The following MILR1 variants were observed in gnomAD, a reference collection of about 807,000 sequenced individuals.
The protein encoded by MILR1 is allergin-1.
MILR1 carries 31 observed loss-of-function variants against 18.5 expected under a neutral mutation model. The ratio of observed to expected loss-of-function variants is 1.68; its 90% CI spans 1.26 to 2.26. MILR1 has a LOEUF of 2.26. MILR1 is among the 30% of genes most tolerant of loss of function. The probability of loss-of-function intolerance (pLI) is 0.00; values close to 1 mark genes in which losing one functional copy is unlikely to be tolerated. For synonymous variants in MILR1, 85 were observed against 56.2 expected, an observed-to-expected ratio of 1.51 and a Z score of -2.30; for missense variants, 257 against 157.4, an observed-to-expected ratio of 1.63 and a Z score of -3.38.
chr17:64,466,404 G>T (rs782546464), intron 6 of MILR1, 38 bp from the exon 7 acceptor site: 2 of 1,592,314 alleles, frequency 1.3e-6, no homozygotes, highest in Admixed American at 3.5e-5. Flanking sequence ...TAACACAAAC[G>T]CCACCAACCC....
At chr17:64,484,261 A>G in the MILR1 span, 3 of 152,380 alleles carry the variant, frequency 2.0e-5, no homozygotes, top group South Asian at 2.1e-4. Context: ...TTCTCTCCCT[A>G]TGGTGACACT....
the MILR1 span, among the ~76,000 whole-genome samples, chr17:64,496,064 T>C: frequency 0.28 from 42,422 of 152,238 alleles, 11,426 homozygotes; most frequent in African/African-American, 0.7. Context: ...TTCAACATTT[T>C]TACTTAGAAT....
chr17:64,461,877 T>C (rs1357347969), intron 5 of MILR1, among the ~76,000 whole-genome samples: 4 of 152,202 alleles, frequency 2.6e-5, no homozygotes, highest in Non-Finnish European at 4.4e-5. Flanking sequence ...CTTTCATAAC[T>C]GGCTTATTTC....
the MILR1 span, chr17:64,496,976 C>T: frequency 1.9e-6 from 3 of 1,602,576 alleles, no homozygotes; most frequent in Non-Finnish European, 2.5e-6. Context: ...CATCTCTCTC[C>T]GAAGTTAAAG....
chr17:64,497,177 TTC>T, the MILR1 span: 3 of 638,852 alleles, frequency 4.7e-6, no homozygotes, highest in Non-Finnish European at 8.4e-6. Flanking sequence ...GCTCGGATGG[TTC>T]TCTGCTAGCT....
At chr17:64,485,389 C>A in the MILR1 span, 1 of 298,576 alleles carries the variant, frequency 3.3e-6, no homozygotes, top group Non-Finnish European at 6.4e-6. Context: ...CTCCCTGATC[C>A]GGGTCTTTCT....
At chr17:64,494,384 T>TAA in the MILR1 span, among the ~76,000 whole-genome samples, 3 of 152,104 alleles carry the variant, frequency 2.0e-5, no homozygotes, top group Admixed American at 2.0e-4. Context: ...GTTAAGGTAG[T>TAA]AAATATCCAC....
chr17:64,496,148 T>C, the MILR1 span, among the ~76,000 whole-genome samples: 3 of 152,252 alleles, frequency 2.0e-5, no homozygotes, highest in Admixed American at 6.5e-5. Context: ...ATGACAGCAC[T>C]GTGTTCAGAA....
the MILR1 span, chr17:64,491,621 C>G: frequency 6.6e-7 from 1 of 1,521,376 alleles, no homozygotes; most frequent in South Asian, 1.1e-5. Context: ...GCCCTAGTGG[C>G]CTTGATGGAG....
At chr17:64,465,020 G>A (rs1002539393) in intron 5 of MILR1, among the ~76,000 whole-genome samples, 6 of 152,170 alleles carry the variant, frequency 3.9e-5, no homozygotes, top group African/African-American at 1.4e-4. Context: ...ACCAGGATGC[G>A]GAGGTTGCGG....
intron 4 of MILR1, 112 bp from the exon 5 acceptor site, chr17:64,460,710 G>A (rs1052248205): frequency 1.4e-5 from 6 of 427,382 alleles, no homozygotes; most frequent in African/African-American, 8.1e-5. Context: ...GAACCTGGGT[G>A]CATAGTACAT....
chr17:64,480,401 T>C, the MILR1 span: 4 of 1,289,792 alleles, frequency 3.1e-6, no homozygotes, highest in African/African-American at 1.5e-5. Context: ...TAGAAAGAAA[T>C]AGAAAAACTT....
chr17:64,455,981 C>T (rs1288777472), intron 3 of MILR1, among the ~76,000 whole-genome samples: 1 of 151,968 alleles, frequency 6.6e-6, no homozygotes, highest in Non-Finnish European at 1.5e-5. Flanking sequence ...GTAGAGGTTG[C>T]AATGAGCTGA....
intron 4 of MILR1, among the ~76,000 whole-genome samples, chr17:64,459,716 G>T (rs2037380539): frequency 1.3e-5 from 2 of 152,168 alleles, no homozygotes; most frequent in Non-Finnish European, 2.9e-5. Context: ...ATGCCAATGG[G>T]ATAAATAAGG....
intron 5 of MILR1, among the ~76,000 whole-genome samples, chr17:64,464,598 G>A (rs1401657490): frequency 2.0e-5 from 3 of 152,006 alleles, no homozygotes; most frequent in Non-Finnish European, 4.4e-5. Flanking sequence ...CCAGGTTCTT[G>A]CAAAAGTGGC....
intron 3 of MILR1, among the ~76,000 whole-genome samples, chr17:64,453,531 A>T (rs2037221178): frequency 6.9e-6 from 1 of 144,626 alleles, no homozygotes; most frequent in African/African-American, 2.6e-5. Context: ...TGTGGGCAAA[A>T]ATCGCTTTTT....
chr17:64,483,128 G>C, the MILR1 span: 3 of 579,694 alleles, frequency 5.2e-6, no homozygotes, highest in Non-Finnish European at 9.4e-6. Flanking sequence ...AATTTTCTGT[G>C]TGAAAACAGA....
chr17:64,491,489 A>G, the MILR1 span: 1 of 1,369,916 alleles, frequency 7.3e-7, no homozygotes, highest in Non-Finnish European at 1.0e-6. Context: ...CAGCCCGGGC[A>G]AAAGAGTGAG....
rs1424294294 is a variant in MILR1 at position 64,449,232 on chromosome 17, C to T, written c.55+9C>T. 6 of 473,512 alleles carry T rather than the reference C, an allele frequency of 1.3e-5. No individual in the cohort carries two copies. The highest frequency in any genetic ancestry group is 1.9e-5 in the Non-Finnish European group (5 of 258,316). 29.3% of individuals were successfully genotyped at this position (473,512 alleles called of 1,614,324 possible). A position where few individuals can be genotyped will look rare whatever the true frequency, so the allele number is the denominator to read the frequency against. On this transcript the variant is annotated intron_variant, in intron 1 of 9. Coordinates refer to ENST00000619286, the MANE Select transcript of MILR1 (RefSeq NM_001085423.2). The stretch of plus-strand genomic sequence containing the variant: ...ATTTTCTTCTGTCACTTGTAAGCCC[C>T]CCTTATCATTCTGAGGCTCGAACCT...
Sources: gnomAD v4.1 joint callset for allele counts (sites outside exome capture counted in the v4.1 genomes callset) on GRCh38, gnomAD v4.1.1 for gene constraint, MANE v1.5 for transcripts, NCBI Gene and HGNC (gene_info 2026-07-23, HGNC 2026-07-21) for gene names.